The following MLIP variants were observed in gnomAD, a reference collection of about 807,000 sequenced individuals.
MLIP encodes muscular LMNA interacting protein.
In MLIP, 79 loss-of-function variants were observed where a neutral mutation model predicts 84.8. The ratio of observed to expected loss-of-function variants is 0.93; its 90% confidence interval spans 0.78 to 1.12. The LOEUF (loss-of-function observed/expected upper bound fraction) is 1.12, where lower values mean the gene tolerates loss of function less well. MLIP is among the 50% of genes most tolerant of loss of function. MLIP has a pLI of 0.00. For synonymous variants in MLIP, 504 were observed against 463.0 expected (o/e 1.09, Z -1.14); for missense variants, 1,257 against 1,160.6 (o/e 1.08, Z -1.21).
chr6:54,194,292 C>A (rs968630501), intron 10 of MLIP, among the ~76,000 whole-genome samples: 1 of 152,120 alleles, frequency 6.6e-6, no homozygotes, highest in African/African-American at 2.4e-5. Context: ...GAACCGATGT[C>A]TCCTTCAAGC....
At chr6:54,071,113 T>A (rs985879850) in intron 1 of MLIP, among the ~76,000 whole-genome samples, 1 of 152,136 alleles carries the variant, frequency 6.6e-6, no homozygotes, top group East Asian at 1.9e-4. Context: ...TCATAGGTAT[T>A]TGCATTTTTA....
chr6:54,081,576 A>AC (rs1554144701), intron 1 of MLIP, among the ~76,000 whole-genome samples: 17 of 151,584 alleles, frequency 1.1e-4, no homozygotes, highest in South Asian at 2.1e-4. Context: ...GCCCAGCTAA[A>AC]TTTTTTTTGT....
intron 1 of MLIP, among the ~76,000 whole-genome samples, chr6:54,089,931 C>T (rs778886192): frequency 8.6e-5 from 13 of 150,588 alleles, no homozygotes; most frequent in Non-Finnish European, 1.8e-4. Flanking sequence ...CAGTAGGGTC[C>T]TCATCGTCTG....
In MLIP at chr6:54,223,276, CTGTT is replaced by C. The variant is rs71695319; in HGVS notation, c.2719-7437_2719-7434del. ...ACTTATCTATTTTTGCTTTTGGTGTCTGTTCTTTTGCTGTCGTATCAACAAACAA... is the reference window on the plus strand; with the variant it reads ...ACTTATCTATTTTTGCTTTTGGTGTCCTTTTGCTGTCGTATCAACAAACAA... On this transcript the variant is annotated intron_variant, in intron 11 of 13. Transcript: ENST00000502396. 2.8e-5 allele frequency among the ~76,000 whole-genome samples: 4 copies of C among 142,768 alleles called. No homozygotes were observed. In the East Asian group the frequency reaches 6.2e-4, roughly 22 times the overall value. 93.7% of individuals were successfully genotyped at this position (142,768 alleles called of 152,430 possible).
intron 2 of MLIP, among the ~76,000 whole-genome samples, chr6:54,123,950 A>T (rs746316539): frequency 6.6e-6 from 1 of 152,156 alleles, no homozygotes; most frequent in Non-Finnish European, 1.5e-5. Flanking sequence ...TTGGTGTTCT[A>T]TTTATGAGTT....
chr6:54,090,370 A>G (rs1325338729), intron 1 of MLIP, among the ~76,000 whole-genome samples: 1 of 152,172 alleles, frequency 6.6e-6, no homozygotes, highest in Non-Finnish European at 1.5e-5. Flanking sequence ...GTTAGACTCT[A>G]CTAAACTTAG....
intron 8 of MLIP, among the ~76,000 whole-genome samples, chr6:54,163,365 G>T (rs1369979338): frequency 6.6e-6 from 1 of 151,240 alleles, no homozygotes; most frequent in African/African-American, 2.4e-5. Flanking sequence ...TATAATTATT[G>T]CAATTCTTGT....
At chr6:54,158,197 G>T (rs1036021684) in intron 5 of MLIP, among the ~76,000 whole-genome samples, 5 of 152,004 alleles carry the variant, frequency 3.3e-5, no homozygotes, top group African/African-American at 1.2e-4. Context: ...TTTCACAGGT[G>T]GCATAACACC....
At chr6:54,024,804 C>T (rs976544935) in intron 1 of MLIP, among the ~76,000 whole-genome samples, 1 of 152,002 alleles carries the variant, frequency 6.6e-6, no homozygotes, top group African/African-American at 2.4e-5. Context: ...GATTGTAAAG[C>T]ATTTTATGCT....
chr6:54,236,589 C>T (rs1027859225), intron 12 of MLIP, among the ~76,000 whole-genome samples: 42 of 130,698 alleles, frequency 3.2e-4, no homozygotes, highest in South Asian at 1.7e-3. Flanking sequence ...GCAATAAGAG[C>T]GAAACTCAGT....
intron 1 of MLIP, among the ~76,000 whole-genome samples, chr6:54,051,325 GTTTAA>G (rs68187952): frequency 0.026 from 3,872 of 151,784 alleles, 143 homozygotes; most frequent in African/African-American, 0.086. Flanking sequence ...GAATTAAATT[GTTTAA>G]TTTAATTTAA....
chr6:54,198,878 C>G (rs200290045), intron 10 of MLIP, among the ~76,000 whole-genome samples: 1 of 137,810 alleles, frequency 7.3e-6, no homozygotes, highest in Non-Finnish European at 1.7e-5. Context: ...GTGTGTGTGT[C>G]TGTGTGTGTG....
intron 8 of MLIP, among the ~76,000 whole-genome samples, chr6:54,167,339 C>CCCAG (rs10694550): frequency 1 from 151,913 of 151,978 alleles, 75,924 homozygotes; most frequent in Non-Finnish European, 1. Context: ...CTCACTCCAT[C>CCCAG]CCTGGTAGCC....
At chr6:54,143,320 T>G (rs958949970) in intron 4 of MLIP, among the ~76,000 whole-genome samples, 1 of 151,682 alleles carries the variant, frequency 6.6e-6, no homozygotes, top group Admixed American at 6.6e-5. Context: ...CAGGTTCAAT[T>G]GATTCTCCTG....
chr6:54,191,454 G>T (rs1272705327), intron 10 of MLIP, among the ~76,000 whole-genome samples: 1 of 152,086 alleles, frequency 6.6e-6, no homozygotes, highest in South Asian at 2.1e-4. Context: ...GTGTCAATTG[G>T]TTTAGAACAG....
rs554234734 is a variant in MLIP at position 54,095,506 on chromosome 6, A to G, written c.64-25941A>G. Among the ~76,000 whole-genome samples, 8 of 152,082 alleles carry G rather than the reference A, an allele frequency of 5.3e-5. No homozygotes were observed. The South Asian group carries it at 1.2e-3, about 24-fold the overall frequency. On this transcript the variant is annotated intron_variant, in intron 1 of 12. Coordinates refer to the MLIP transcript ENST00000274897. Reference sequence around the variant, plus strand: ...ATGACCAGAGTTAGGACCTCATTCAATTCTGGGTTTTCCTTTCCCTTCCAA... The same window carrying G: ...ATGACCAGAGTTAGGACCTCATTCAGTTCTGGGTTTTCCTTTCCCTTCCAA...
intron 12 of MLIP, among the ~76,000 whole-genome samples, chr6:54,245,242 G>A (rs1582611794): frequency 6.6e-6 from 1 of 152,134 alleles, no homozygotes. Flanking sequence ...TTGAGGGAGG[G>A]TTCTTCAGAA....
At chr6:54,113,163 A>G (rs1019868006) in intron 1 of MLIP, among the ~76,000 whole-genome samples, 2 of 152,202 alleles carry the variant, frequency 1.3e-5, no homozygotes, top group Admixed American at 1.3e-4. Context: ...ATGGAACATA[A>G]GATAGACCTA....
At chr6:54,085,306 G>C (rs1010603387) in intron 1 of MLIP, among the ~76,000 whole-genome samples, 1 of 152,210 alleles carries the variant, frequency 6.6e-6, no homozygotes, top group Non-Finnish European at 1.5e-5. Flanking sequence ...AGAAAGACCT[G>C]TGCCTGAGTG....
Sources: gnomAD v4.1 joint callset for allele counts (sites outside exome capture counted in the v4.1 genomes callset) on GRCh38, gnomAD v4.1.1 for gene constraint, MANE v1.5 for transcripts, NCBI Gene and HGNC (gene_info 2026-07-23, HGNC 2026-07-21) for gene names.